The following MCF2 variants were observed in gnomAD, a reference collection of about 807,000 sequenced individuals.
The protein encoded by MCF2 is MCF.2 cell line derived transforming sequence.
In MCF2, 44 loss-of-function variants were observed where a neutral mutation model predicts 82.5. The observed-to-expected ratio is 0.53, with a 90% confidence interval of 0.42 to 0.69. MCF2 has a LOEUF of 0.69. MCF2 is among the 30% of genes least tolerant of loss of function. MCF2 has a pLI of 0.00. For missense variants in MCF2, 623 were observed against 663.1 expected (o/e 0.94, Z 0.66); for synonymous variants, 217 against 224.9 (o/e 0.96, Z 0.32).
intron 23 of MCF2, 128 bp downstream of exon 27, chrX:139,586,250 C>T (rs1603271841): frequency 2.1e-6 from 1 of 480,511 alleles, no homozygotes; most frequent in East Asian, 3.7e-5. Flanking sequence ...ACATGAGAGC[C>T]TTATAAAAAT....
At chrX:139,706,257 T>C (rs1370068922) in intron 1 of MCF2, among the ~76,000 whole-genome samples, 2 of 112,621 alleles carry the variant, frequency 1.8e-5, no homozygotes, top group African/African-American at 3.2e-5. Flanking sequence ...AAAAGACACA[T>C]GCACTTGTAT....
At chrX:139,700,442 A>G (rs1603311414) in intron 1 of MCF2, among the ~76,000 whole-genome samples, 2 of 112,128 alleles carry the variant, frequency 1.8e-5, no homozygotes, top group African/African-American at 6.5e-5. Context: ...GAAGAAGAAG[A>G]TAACGATATC....
intron 1 of MCF2, among the ~76,000 whole-genome samples, chrX:139,684,610 G>A (rs1408568647): frequency 8.9e-6 from 1 of 112,530 alleles, no homozygotes; most frequent in East Asian, 2.8e-4. Context: ...TAATTAAAAT[G>A]TGGCACATCT....
rs746430692 is a variant in MCF2, at chrX:139,592,760, G to T, written c.2278-2833C>A. ...CAAGAGTTTTAAAGAAGCTGCTGTG[G>T]GTTCAGAGTGAAGCAGGGAAAATAC... On this transcript the variant is annotated intron_variant, in intron 19 of 24. Transcript: ENST00000370576. 1.2e-3 allele frequency among the ~76,000 whole-genome samples: 139 copies of T among 111,661 alleles called. 1 individual carries two copies. The highest frequency in any genetic ancestry group is 2.3e-3 in the Non-Finnish European group (123 of 53,079).
intron 18 of MCF2, 94 bp from the exon 23 acceptor site, chrX:139,596,864 C>T: frequency 3.5e-6 from 2 of 571,235 alleles, no homozygotes; most frequent in Admixed American, 6.0e-5. Context: ...GCTACTCAAA[C>T]CCTGAAGAAT....
At chrX:139,605,565 C>T (rs1031378993) in intron 13 of MCF2, 148 bp downstream of exon 17, 3 of 445,218 alleles carry the variant, frequency 6.7e-6, no homozygotes, top group Non-Finnish European at 7.8e-6. Flanking sequence ...CGACATGCTG[C>T]ATCAAACAAT....
chrX:139,658,240 T>A (rs1353688112), intron 1 of MCF2, among the ~76,000 whole-genome samples: 1 of 111,673 alleles, frequency 9.0e-6, no homozygotes, highest in Non-Finnish European at 1.9e-5. Context: ...TATGTAAAAG[T>A]TCATCTTCAA....
At chrX:139,612,980 C>T (rs1286536583) in intron 10 of MCF2, among the ~76,000 whole-genome samples, 3 of 111,477 alleles carry the variant, frequency 2.7e-5, no homozygotes, top group African/African-American at 9.8e-5. Flanking sequence ...TTTGCGGGGT[C>T]ACTTTATGAA....
intron 17 of MCF2, among the ~76,000 whole-genome samples, 187 bp from the exon 22 acceptor site, chrX:139,597,772 G>A (rs1930226989): frequency 9.0e-6 from 1 of 111,387 alleles, no homozygotes; most frequent in African/African-American, 3.3e-5. Flanking sequence ...AAGTAGAATA[G>A]TGACTGAATA....
At chrX:139,593,000 T>C (rs1442234110) in intron 19 of MCF2, among the ~76,000 whole-genome samples, 3 of 112,247 alleles carry the variant, frequency 2.7e-5, no homozygotes, top group African/African-American at 9.7e-5. Context: ...ATACTGGTGA[T>C]GAGAACTATG....
chrX:139,701,675 T>C (rs1470484127), intron 1 of MCF2, among the ~76,000 whole-genome samples: 3 of 112,425 alleles, frequency 2.7e-5, no homozygotes, highest in Non-Finnish European at 5.6e-5. Flanking sequence ...TCTATCTTTC[T>C]CTGCCTCTGT....
chrX:139,612,975 G>A (rs1931612694), intron 10 of MCF2, among the ~76,000 whole-genome samples: 1 of 111,202 alleles, frequency 9.0e-6, no homozygotes, highest in Non-Finnish European at 1.9e-5. Context: ...TTCTTTTTGC[G>A]GGGTCACTTT....
intron 1 of MCF2, among the ~76,000 whole-genome samples, chrX:139,681,091 A>G (rs1934987334): frequency 8.9e-6 from 1 of 112,515 alleles, no homozygotes; most frequent in African/African-American, 3.2e-5. Context: ...GCCATCAAAG[A>G]GTCTCAGAAT....
intron 1 of MCF2, among the ~76,000 whole-genome samples, chrX:139,693,662 T>C (rs748082379): frequency 4.6e-4 from 52 of 111,898 alleles, no homozygotes; most frequent in Non-Finnish European, 8.8e-4. Flanking sequence ...CTCTTGAATA[T>C]GTGCACAGGG....
chrX:139,591,747 G>T (rs1040926517), intron 19 of MCF2, among the ~76,000 whole-genome samples: 15 of 110,267 alleles, frequency 1.4e-4, no homozygotes, highest in African/African-American at 4.9e-4. Context: ...GAGGAGGGAC[G>T]GAGGGAGAGG....
chrX:139,667,617 G>A lies in MCF2; in HGVS notation c.-44-15829C>T, dbSNP rs965957586. Among the ~76,000 whole-genome samples, 4 of 112,107 alleles carry A rather than the reference G, an allele frequency of 3.6e-5. No homozygotes were observed. The Admixed American group carries it at 3.8e-4, about 11-fold the overall frequency. Reference sequence around the variant, plus strand: ...ATTCCAGGCTATGTGCTCTGTCTCAGGGGGTGTGGGCAGGCTCATGCTCAG... The same window carrying A: ...ATTCCAGGCTATGTGCTCTGTCTCAAGGGGTGTGGGCAGGCTCATGCTCAG... On this transcript the variant is annotated intron_variant, in intron 1 of 27. Transcript: ENST00000414978.
At chrX:139,632,285 G>C (rs767147167) in intron 2 of MCF2, 50 bp downstream of exon 5, 8 of 1,049,331 alleles carry the variant, frequency 7.6e-6, no homozygotes, top group Non-Finnish European at 3.9e-6. Context: ...GCATGGTACA[G>C]GTCTTCATGA....
At chrX:139,652,878 T>TA (rs371230484) in intron 1 of MCF2, among the ~76,000 whole-genome samples, 90 of 106,274 alleles carry the variant, frequency 8.5e-4, no homozygotes, top group Middle Eastern at 4.8e-3. Flanking sequence ...TCAAGGGAAT[T>TA]AAAAAAAAAA....
intron 9 of MCF2, among the ~76,000 whole-genome samples, 186 bp downstream of exon 12, chrX:139,616,096 T>C (rs1327670755): frequency 9.0e-6 from 1 of 111,373 alleles, no homozygotes; most frequent in Non-Finnish European, 1.9e-5. Flanking sequence ...TTATTCTTCA[T>C]TATATAGCAA....
Sources: allele counts gnomAD v4.1 joint callset (sites outside exome capture counted in the v4.1 genomes callset), GRCh38; gene constraint gnomAD v4.1.1; transcripts MANE v1.5; gene names NCBI Gene and HGNC (gene_info 2026-07-23, HGNC 2026-07-21).